Variants in PTPRZ1 observed in about 807,000 individuals in gnomAD.
The protein encoded by PTPRZ1 is protein tyrosine phosphatase receptor type Z1.
In PTPRZ1, 82 loss-of-function variants were observed where a neutral mutation model predicts 214.1. The observed-to-expected ratio is 0.38, with a 90% CI of 0.32 to 0.46. The LOEUF is 0.46. Among genes scored for constraint, PTPRZ1 ranks in the 20% least tolerant of loss-of-function variants. The pLI is 1.00. For missense variants in PTPRZ1, 2,603 were observed against 2,748.7 expected, an observed-to-expected ratio of 0.95 and a Z score of 1.19; for synonymous variants, 945 against 987.9, an observed-to-expected ratio of 0.96 and a Z score of 0.81.
At chr7:121,951,317 A>G (rs1269239824) in intron 2 of PTPRZ1, among the ~76,000 whole-genome samples, 1 of 152,226 alleles carries the variant, frequency 6.6e-6, no homozygotes, top group Non-Finnish European at 1.5e-5. Context: ...CCACAGAAGA[A>G]AAAATACTTT....
chr7:121,922,917 T>C (rs1159760144), intron 1 of PTPRZ1, among the ~76,000 whole-genome samples: 1 of 152,214 alleles, frequency 6.6e-6, no homozygotes, highest in African/African-American at 2.4e-5. Flanking sequence ...CCTCAAAATA[T>C]ATGCAACATA....
At chr7:122,021,237 A>G (rs1562867243) in intron 13 of PTPRZ1, among the ~76,000 whole-genome samples, 1 of 152,184 alleles carries the variant, frequency 6.6e-6, no homozygotes, top group Admixed American at 6.6e-5. Flanking sequence ...ATTTAATACA[A>G]TTTGATATTT....
chr7:122,055,698 CTAT>C (rs760659639), intron 27 of PTPRZ1, among the ~76,000 whole-genome samples: 33 of 151,768 alleles, frequency 2.2e-4, no homozygotes, highest in Non-Finnish European at 4.6e-4. Flanking sequence ...ATGCAAATAT[CTAT>C]TATTGAATTA....
intron 8 of PTPRZ1, among the ~76,000 whole-genome samples, chr7:121,992,780 G>T (rs1798010719): frequency 6.6e-6 from 1 of 152,150 alleles, no homozygotes; most frequent in Non-Finnish European, 1.5e-5. Flanking sequence ...GAACCAAGCA[G>T]ATGAGAGTGG....
At chr7:121,998,060 A>G in intron 10 of PTPRZ1, 54 bp downstream of exon 10, 7 of 1,540,044 alleles carry the variant, frequency 4.5e-6, no homozygotes, top group Non-Finnish European at 6.2e-6. Context: ...GGTTAGTTTA[A>G]TTACTGTATG....
At chr7:122,025,884 C>T (rs1377369518) in intron 13 of PTPRZ1, among the ~76,000 whole-genome samples, 1 of 152,132 alleles carries the variant, frequency 6.6e-6, no homozygotes, top group African/African-American at 2.4e-5. Flanking sequence ...GTTTATTTAT[C>T]TACAATGTGA....
rs143682291 is a variant in PTPRZ1 at position 121,968,000 on chromosome 7, C to T, written c.174C>T (p.Ser58=). 546 of 1,595,112 alleles carry T rather than the reference C, an allele frequency of 3.4e-4. 4 individuals are homozygous for T. In the African/African-American group the frequency reaches 6.3e-3, roughly 18 times the overall value. ...NWGKKYPTCN[S]PKQSPINIDE... is the part of the protein sequence containing the mutation. ...GAAAGAAATATCCAACATGTAATAG[C>T]CCAAAACAATCTCCTATCAATATTG... The change falls in exon 3 of 30, where the codon AGC becomes AGT. Residue 58 remains serine (S), a synonymous_variant. Transcript: ENST00000393386.
At position 121,931,931 on chromosome 7, in the gene PTPRZ1, G is replaced by C. The variant is rs565671115; in HGVS notation, c.124+3710G>C. 1.2e-4 allele frequency among the ~76,000 whole-genome samples: 18 copies of C among 152,218 alleles called. No individual in the cohort carries two copies. The South Asian group carries it at 2.5e-3, about 21-fold the overall frequency. On this transcript the variant is annotated intron_variant, in intron 2 of 29. Transcript: ENST00000393386. The stretch of plus-strand genomic sequence containing the variant: ...CATTAAAGCGTGGTATTTGTTGTAG[G>C]GGGGTGGGGTGGCAGATCTCAAAAA...
intron 1 of PTPRZ1, among the ~76,000 whole-genome samples, chr7:121,914,831 T>C (rs1179173236): frequency 1.3e-5 from 2 of 152,098 alleles, no homozygotes; most frequent in East Asian, 3.9e-4. Context: ...CTGAACATGA[T>C]GTGAGATGTG....
At chr7:121,908,990 A>G (rs746198074) in intron 1 of PTPRZ1, 1 of 513,544 alleles carries the variant, frequency 1.9e-6, no homozygotes, top group South Asian at 1.4e-5. Context: ...CACATTTTGG[A>G]TTATTTCTGA....
rs186681367 is a variant in PTPRZ1 at position 122,059,641 on chromosome 7, A to C, written c.6672-112A>C. 29 of 1,194,076 alleles carry C rather than the reference A, an allele frequency of 2.4e-5. No homozygotes were observed. In the Admixed American group the frequency reaches 5.5e-4, roughly 23 times the overall value. 74.0% of individuals were successfully genotyped at this position (1,194,076 alleles called of 1,614,324 possible). A position where few individuals can be genotyped will look rare whatever the true frequency, so the allele number is the denominator to read the frequency against. ...AAGCGAAGAGAGACAATTCATTAAA[A>C]GTTTCAGTGTTTTCACTGCAAAGTT... On this transcript the variant is annotated intron_variant, in intron 28 of 29. Transcript: ENST00000393386.
chr7:122,027,644 G>C (rs896412837), intron 13 of PTPRZ1, among the ~76,000 whole-genome samples: 1 of 152,126 alleles, frequency 6.6e-6, no homozygotes, highest in Non-Finnish European at 1.5e-5. Flanking sequence ...ACATCAAAGA[G>C]TGTCATTAGC....
At chr7:121,974,753 G>T (rs1439277163) in intron 4 of PTPRZ1, among the ~76,000 whole-genome samples, 1 of 152,144 alleles carries the variant, frequency 6.6e-6, no homozygotes, top group East Asian at 1.9e-4. Context: ...CTCCCAAAGT[G>T]CTGGGATTAC....
chr7:121,997,819 C>A, intron 9 of PTPRZ1, 61 bp from the exon 10 acceptor site: 1 of 1,447,878 alleles, frequency 6.9e-7, no homozygotes. Flanking sequence ...GGAAAGATAC[C>A]TAGTGTGTTG....
chr7:122,027,204 A>G (rs1426714874), intron 13 of PTPRZ1, among the ~76,000 whole-genome samples: 1 of 152,024 alleles, frequency 6.6e-6, no homozygotes, highest in Non-Finnish European at 1.5e-5. Flanking sequence ...AGCCAGGGGG[A>G]ATGGCAAGAG....
chr7:122,042,241 A>T (rs907219492), intron 21 of PTPRZ1, among the ~76,000 whole-genome samples: 1 of 152,222 alleles, frequency 6.6e-6, no homozygotes, highest in African/African-American at 2.4e-5. Flanking sequence ...GTGAAGTTAA[A>T]GCTTTCACTT....
chr7:122,039,383 C>T, intron 19 of PTPRZ1, 71 bp from the exon 20 acceptor site: 1 of 1,526,716 alleles, frequency 6.6e-7, no homozygotes. Flanking sequence ...CAGACCTTTA[C>T]TGATTTCAGG....
chr7:121,946,377 T>C (rs1368061569), intron 2 of PTPRZ1, among the ~76,000 whole-genome samples: 1 of 152,126 alleles, frequency 6.6e-6, no homozygotes, highest in Non-Finnish European at 1.5e-5. Context: ...GAGAGGGAAT[T>C]CAAATTGTTC....
intron 1 of PTPRZ1, among the ~76,000 whole-genome samples, chr7:121,903,533 G>A (rs938863464): frequency 5.3e-5 from 8 of 152,152 alleles, no homozygotes; most frequent in Non-Finnish European, 1.2e-4. Flanking sequence ...GAAATTTTAA[G>A]CATTAAGGCA....
Sources: allele counts gnomAD v4.1 joint callset (sites outside exome capture counted in the v4.1 genomes callset), GRCh38; gene constraint gnomAD v4.1.1; transcripts MANE v1.5; gene names NCBI Gene and HGNC (gene_info 2026-07-23, HGNC 2026-07-21).